The following USP29 variants were observed in gnomAD, a reference collection of about 807,000 sequenced individuals.
USP29 encodes ubiquitin specific peptidase 29.
For synonymous variants in USP29, 386 were observed against 387.4 expected (o/e 1.00, Z 0.04); for missense variants, 1,102 against 1,069.0 (o/e 1.03, Z -0.43).
intron 3 of USP29, among the ~76,000 whole-genome samples, chr19:57,127,850 A>G (rs1239229293): frequency 6.6e-6 from 1 of 152,104 alleles, no homozygotes; most frequent in Non-Finnish European, 1.5e-5. Flanking sequence ...TCTTGCAACT[A>G]GCTCGGTGTC....
At chr19:57,124,388 C>A (rs2086812662) in intron 3 of USP29, among the ~76,000 whole-genome samples, 2 of 150,388 alleles carry the variant, frequency 1.3e-5, no homozygotes, top group East Asian at 3.9e-4. Flanking sequence ...CTGTCTCTCT[C>A]CCCACCTCGG....
At position 57,130,793 on chromosome 19, in the gene USP29, C is replaced by T. The variant is rs1248715793; in HGVS notation, c.2118C>T (p.Asp706=). 1.2e-6 allele frequency: 2 copies of T among 1,614,040 alleles called. No individual in the cohort carries two copies. The highest frequency in any genetic ancestry group is 1.7e-6 in the Non-Finnish European group (2 of 1,180,050). Reference sequence around the variant, plus strand: ...ATACATTCGTAGAGTTCAATTTTGACAGTGTCACTGAGTCCACCAATGGCT... The same window carrying T: ...ATACATTCGTAGAGTTCAATTTTGATAGTGTCACTGAGTCCACCAATGGCT... ...KTNTFVEFNF[D]SVTESTNGFY... Residue 706 remains aspartate (D), a synonymous_variant, in exon 4 of 4, where the codon GAC becomes GAT. Transcript: ENST00000254181.
upstream of USP29, among the ~76,000 whole-genome samples, chr19:57,119,420 T>G (rs149193464): frequency 6.5e-4 from 99 of 152,226 alleles, no homozygotes; most frequent in Middle Eastern, 6.8e-3. Context: ...ACCGCTTTTT[T>G]GGGGGTTTTG....
rs756255665 is a variant in USP29 at position 57,130,526 on chromosome 19, G to C, written c.1851G>C (p.Gln617His). The change falls in exon 4 of 4, where the codon CAG becomes CAC. Residue 617 changes from glutamine (Q) to histidine (H), a missense_variant. Transcript: ENST00000254181. ...QRDCGDASQE[Q>H]HQRDLENGSA... ...ACTGTGGAGATGCAAGCCAAGAGCA[G>C]CATCAGAGAGACCTGGAAAATGGCT... The C allele has an allele frequency of 6.2e-7, 1 of 1,614,198 alleles. No homozygotes were observed. Among genetic ancestry groups the C allele is most frequent in the South Asian group, 1.1e-5 (1 of 91,074 alleles).
chr19:57,119,449 G>A (rs2086781078), upstream of USP29, among the ~76,000 whole-genome samples: 1 of 151,748 alleles, frequency 6.6e-6, no homozygotes, highest in South Asian at 2.1e-4. Flanking sequence ...TTGAGACGGA[G>A]TCTCGCTCTG....
rs868447368 is a variant in USP29, at chr19:57,130,985, G to T, written c.2310G>T (p.Gln770His). The T allele has an allele frequency of 2.5e-6, 4 of 1,614,182 alleles. No homozygotes were observed. The part of the protein sequence containing the change: ...AQEHTEETLN[Q>H]STELRLQKAD... ...AACATACAGAAGAGACCCTCAATCA[G>T]TCTACAGAATTAAGACTTCAAAAGG... The change falls in exon 4 of 4, where the codon CAG becomes CAT. Residue 770 changes from glutamine (Q) to histidine (H), a missense_variant. By Grantham distance (24) the Gln-to-His change is conservative. Coordinates refer to ENST00000254181, the MANE Select transcript of USP29 (RefSeq NM_020903.3).
In USP29 at chr19:57,129,218, G is replaced by A. The variant is rs762246106; in HGVS notation, c.543G>A (p.Glu181=). The change falls in exon 4 of 4, where the codon GAG becomes GAA. Residue 181 remains glutamate (E), a synonymous_variant. Transcript: ENST00000254181. ...NTLSSDVQTN[E]DILKEDNPVP... ...TATCATCTGATGTACAGACAAATGA[G>A]GACATTCTGAAGGAAGATAACCCTG... is the stretch of plus-strand genomic sequence containing the variant. 1 of 1,612,032 alleles carries A rather than the reference G, an allele frequency of 6.2e-7. No individual in the cohort carries two copies. Among genetic ancestry groups the A allele is most frequent in the South Asian group, 1.1e-5 (1 of 90,634 alleles).
chr19:57,122,884 T>G (rs1215867127), intron 2 of USP29, among the ~76,000 whole-genome samples: 1 of 152,084 alleles, frequency 6.6e-6, no homozygotes, highest in Admixed American at 6.6e-5. Flanking sequence ...GAGGGTGAAG[T>G]TTCCCTAAAG....
Position 57,129,837 on chromosome 19 carries a change from A to G in USP29, c.1162A>G (p.Met388Val). The change falls in exon 4 of 4, where the codon ATG becomes GTG. Residue 388 changes from methionine to valine, a missense_variant. Transcript: ENST00000254181. ...GQCLDQLKED[M>V]EKLNATLNTG... ...GTGTTTAGACCAGCTGAAAGAAGACATGGAAAAATTAAATGCCACTTTGAA... is the reference window on the plus strand; with the variant it reads ...GTGTTTAGACCAGCTGAAAGAAGACGTGGAAAAATTAAATGCCACTTTGAA... The G allele has an allele frequency of 6.2e-7, 1 of 1,614,208 alleles. No homozygotes were observed. The highest frequency in any genetic ancestry group is 8.5e-7 in the Non-Finnish European group (1 of 1,180,032).
rs2086836490 is a variant in USP29 at position 57,128,753 on chromosome 19, C to T, written c.78C>T (p.Leu26=). The T allele has an allele frequency of 6.2e-7, 1 of 1,613,186 alleles. No homozygotes were observed. Among genetic ancestry groups the T allele is most frequent in the Non-Finnish European group, 8.5e-7 (1 of 1,179,832 alleles). Residue 26 remains leucine, a synonymous_variant, in exon 4 of 4, where the codon CTC becomes CTT. Coordinates refer to ENST00000254181, the MANE Select transcript of USP29 (RefSeq NM_020903.3). ...KTGMTKLKEA[L]IETVQRQKEI... ...GGATGACTAAGCTGAAAGAAGCTCT[C>T]ATTGAAACAGTGCAAAGACAAAAGG...
chr19:57,119,114 C>T (rs539652588), upstream of USP29: 4 of 152,376 alleles, frequency 2.6e-5, no homozygotes, highest in South Asian at 6.2e-4. Context: ...GGGACAGGGC[C>T]ACAAATGACT....
At position 57,131,425 on chromosome 19, in the gene USP29, C is replaced by T. The variant is rs1568457004; in HGVS notation, c.2750C>T (p.Ser917Phe). 6.2e-7 allele frequency: 1 copy of T among 1,612,256 alleles called. No individual in the cohort carries two copies. Among genetic ancestry groups the T allele is most frequent in the East Asian group, 2.2e-5 (1 of 44,882 alleles). Residue 917 changes from serine to phenylalanine, a missense_variant, in exon 4 of 4, where the codon TCT (serine) becomes TTT (phenylalanine). Ser to Phe is a radical substitution (Grantham distance 155). Transcript: ENST00000254181. ...CCTCAGGGGGAATACGAAGGTGACT[C>T]TTTGTACAGACCTGCTTGACAGACT... Reference protein sequence around the residue: ...VIPQGEYEGDSLYRPA With the variant: ...VIPQGEYEGDFLYRPA
intron 1 of USP29, 91 bp downstream of exon 1, chr19:57,120,320 G>C (rs1343621967): frequency 1.4e-5 from 2 of 147,264 alleles, no homozygotes; most frequent in African/African-American, 5.1e-5. Flanking sequence ...ACAACAAAGT[G>C]AGACTATGTC....
At chr19:57,121,401 G>A (rs1348959779) in intron 1 of USP29, among the ~76,000 whole-genome samples, 5 of 139,816 alleles carry the variant, frequency 3.6e-5, no homozygotes, top group Non-Finnish European at 7.7e-5. Flanking sequence ...ACTTATATAT[G>A]TTATACATAC....
Position 57,130,888 on chromosome 19 carries a change from T to C in USP29, c.2213T>C (p.Ile738Thr), listed in dbSNP as rs754600276. ...QGMAEQLQQC[I>T]EESIIDEFLQ... ...ATGGCTGAACAGCTCCAGCAGTGTA[T>C]TGAGGAGAGCATCATAGATGAATTT... The change falls in exon 4 of 4, where the codon ATT (isoleucine) becomes ACT (threonine). Residue 738 changes from isoleucine (I) to threonine (T), a missense_variant. By Grantham distance (89) the Ile-to-Thr change is moderately conservative. Coordinates refer to ENST00000254181, the MANE Select transcript of USP29 (RefSeq NM_020903.3). The C allele has an allele frequency of 1.2e-6, 2 of 1,614,116 alleles. No homozygotes were observed. The highest frequency in any genetic ancestry group is 1.1e-5 in the South Asian group (1 of 91,078).
chr19:57,129,181 G>A lies in USP29; in HGVS notation c.506G>A (p.Gly169Glu). The change falls in exon 4 of 4, where the codon GGG becomes GAG. Residue 169 changes from glycine to glutamate, a missense_variant. By Grantham distance (98) the Gly-to-Glu change is moderately conservative. Transcript: ENST00000254181. ...KGILENQGGK[G>E]QNTLSSDVQT... ...ATATTAGAAAATCAAGGTGGGAAGG[G>A]GCAAAACACACTATCATCTGATGTA... The A allele has an allele frequency of 6.2e-7, 1 of 1,613,484 alleles. No homozygotes were observed. Among genetic ancestry groups the A allele is most frequent in the South Asian group, 1.1e-5 (1 of 90,972 alleles).
rs907327234 is a variant in USP29, at chr19:57,128,881, A to G, written c.206A>G (p.Gln69Arg). 1.9e-6 allele frequency: 3 copies of G among 1,613,220 alleles called. No homozygotes were observed. Among genetic ancestry groups the G allele is most frequent in the African/African-American group, 2.7e-5 (2 of 74,862 alleles). The change falls in exon 4 of 4, where the codon CAA becomes CGA. Residue 69 changes from glutamine to arginine, a missense_variant. Physicochemically the swap from Gln to Arg is conservative, Grantham distance 43 (BLOSUM62 1). Coordinates refer to ENST00000254181, the MANE Select transcript of USP29 (RefSeq NM_020903.3). ...GTCCTTAGACATTGTAAAAAAAGACAAAGTCACCTGCGTTTAACTTTGAAA... is the reference window on the plus strand; with the variant it reads ...GTCCTTAGACATTGTAAAAAAAGACGAAGTCACCTGCGTTTAACTTTGAAA... ...SVVLRHCKKR[Q>R]SHLRLTLKNN...
At chr19:57,120,304 G>A (rs968872011) in intron 1 of USP29, 75 bp downstream of exon 1, 8 of 143,672 alleles carry the variant, frequency 5.6e-5, no homozygotes, top group African/African-American at 2.1e-4. Flanking sequence ...CTGCACTCCA[G>A]CCTGGACAAC....
chr19:57,122,010 C>G (rs932940163), intron 1 of USP29, among the ~76,000 whole-genome samples: 10 of 151,952 alleles, frequency 6.6e-5, no homozygotes, highest in African/African-American at 1.9e-4. Flanking sequence ...AGAGAGAAAG[C>G]AGACAGATGT....
Sources: allele counts gnomAD v4.1 joint callset (sites outside exome capture counted in the v4.1 genomes callset), GRCh38; gene constraint gnomAD v4.1.1; transcripts MANE v1.5; gene names NCBI Gene and HGNC (gene_info 2026-07-23, HGNC 2026-07-21).